Variants in CTNND2 observed in about 807,000 individuals in gnomAD.
The protein encoded by CTNND2 is catenin delta-2.
CTNND2 carries 22 observed loss-of-function variants against 144.4 expected under a neutral mutation model. The ratio of observed to expected loss-of-function variants is 0.15; its 90% CI spans 0.11 to 0.22. CTNND2 has a LOEUF of 0.22. Ranked by LOEUF, CTNND2 falls within the 10% of genes least tolerant of loss-of-function variation. The pLI is 1.00. For synonymous variants in CTNND2, 751 were observed against 695.6 expected (o/e 1.08, Z -1.25); for missense variants, 1,353 against 1,618.8 (o/e 0.84, Z 2.82).
chr5:11,682,366 A>G (rs938563023), intron 2 of CTNND2, among the ~76,000 whole-genome samples: 10 of 152,196 alleles, frequency 6.6e-5, no homozygotes, highest in Non-Finnish European at 1.2e-4. Flanking sequence ...AACATCCAAT[A>G]TTCCACAGGC....
At chr5:11,168,366 T>C (rs1408931869) in intron 11 of CTNND2, among the ~76,000 whole-genome samples, 1 of 152,238 alleles carries the variant, frequency 6.6e-6, no homozygotes, top group African/African-American at 2.4e-5. Flanking sequence ...TAAGTAATTA[T>C]AATTGAAAAT....
At chr5:11,790,571 C>T (rs954643246) in intron 1 of CTNND2, among the ~76,000 whole-genome samples, 9 of 152,136 alleles carry the variant, frequency 5.9e-5, no homozygotes, top group Admixed American at 5.2e-4. Flanking sequence ...ATTTTCTACA[C>T]GTAATGATGT....
intron 2 of CTNND2, chr5:11,588,904 C>A (rs542935669): frequency 1.0e-6 from 1 of 985,360 alleles, no homozygotes; most frequent in Non-Finnish European, 1.2e-6. Flanking sequence ...CCCTGCACCA[C>A]GGCTAAAAGG....
chr5:11,491,327 CA>C (rs1451983604), intron 3 of CTNND2, among the ~76,000 whole-genome samples: 12 of 152,174 alleles, frequency 7.9e-5, no homozygotes, highest in Non-Finnish European at 1.6e-4. Context: ...GAAGTGCAAA[CA>C]GTTCAATAGT....
rs1314036452 is a variant in CTNND2 at position 11,207,222 on chromosome 5, A to G, written c.1762-7561T>C. Among the ~76,000 whole-genome samples, 8 of 152,002 alleles carry G rather than the reference A, an allele frequency of 5.3e-5. No individual in the cohort carries two copies. In the South Asian group the frequency reaches 1.0e-3, roughly 20 times the overall value. On this transcript the variant is annotated intron_variant, in intron 10 of 21. Transcript: ENST00000304623. ...CGACACAGGGAGGGGAACATCACAC[A>G]CTGGGGCCTGTTGGGGGGTGTGGGG...
At chr5:11,419,515 A>G (rs1762201472) in intron 3 of CTNND2, among the ~76,000 whole-genome samples, 1 of 152,228 alleles carries the variant, frequency 6.6e-6, no homozygotes, top group Non-Finnish European at 1.5e-5. Context: ...CATATGTGAG[A>G]CAACTGACAG....
At chr5:11,727,816 T>C (rs752550200) in intron 2 of CTNND2, among the ~76,000 whole-genome samples, 12 of 152,218 alleles carry the variant, frequency 7.9e-5, no homozygotes, top group Admixed American at 2.0e-4. Context: ...TGATTAATAG[T>C]TATAGGTCAT....
At chr5:11,483,315 T>C (rs888174976) in intron 3 of CTNND2, among the ~76,000 whole-genome samples, 3 of 152,102 alleles carry the variant, frequency 2.0e-5, no homozygotes, top group Non-Finnish European at 4.4e-5. Context: ...GAAGAGTGGA[T>C]TGGCGGTGGG....
chr5:11,233,142 G>C (rs1282015577), intron 10 of CTNND2, among the ~76,000 whole-genome samples: 1 of 152,130 alleles, frequency 6.6e-6, no homozygotes, highest in Non-Finnish European at 1.5e-5. Flanking sequence ...CTTCATAGCA[G>C]CATGAGAATG....
At chr5:11,575,967 A>G (rs1335011560) in intron 2 of CTNND2, among the ~76,000 whole-genome samples, 2 of 152,290 alleles carry the variant, frequency 1.3e-5, no homozygotes, top group African/African-American at 4.8e-5. Flanking sequence ...ATCCAAAACC[A>G]AAATCAACCA....
At chr5:11,813,850 C>T (rs896838603) in intron 1 of CTNND2, among the ~76,000 whole-genome samples, 3 of 152,166 alleles carry the variant, frequency 2.0e-5, no homozygotes, top group Non-Finnish European at 4.4e-5. Flanking sequence ...ATGTAACTGA[C>T]AAATGAACAA....
chr5:11,679,659 G>A (rs1375098008), intron 2 of CTNND2, among the ~76,000 whole-genome samples: 1 of 152,208 alleles, frequency 6.6e-6, no homozygotes, highest in Non-Finnish European at 1.5e-5. Flanking sequence ...CGACACTCAT[G>A]TGTCTCTTTA....
intron 2 of CTNND2, among the ~76,000 whole-genome samples, chr5:11,683,992 A>G (rs532183420): frequency 2.0e-4 from 31 of 152,276 alleles, no homozygotes; most frequent in Non-Finnish European, 3.7e-4. Context: ...TCCAGGGAAG[A>G]GAATAAAAAG....
intron 1 of CTNND2, among the ~76,000 whole-genome samples, chr5:11,785,781 C>T (rs949477034): frequency 3.3e-5 from 5 of 152,224 alleles, no homozygotes; most frequent in Admixed American, 1.3e-4. Context: ...TTTCCTCCCC[C>T]ACTTTTCTCC....
intron 2 of CTNND2, among the ~76,000 whole-genome samples, chr5:11,624,540 T>C (rs1389459724): frequency 1.3e-5 from 2 of 152,144 alleles, no homozygotes; most frequent in African/African-American, 4.8e-5. Flanking sequence ...TGTATTTTAT[T>C]AAACAGTTTT....
intron 9 of CTNND2, among the ~76,000 whole-genome samples, chr5:11,300,462 T>G (rs116192705): frequency 6.6e-6 from 1 of 152,140 alleles, no homozygotes; most frequent in African/African-American, 2.4e-5. Context: ...CAGGGCTCCT[T>G]GTCCCCCAGA....
At chr5:11,113,073 G>T (rs912303442) in intron 13 of CTNND2, among the ~76,000 whole-genome samples, 3 of 152,084 alleles carry the variant, frequency 2.0e-5, no homozygotes, top group Non-Finnish European at 4.4e-5. Flanking sequence ...CCCGGAAAGC[G>T]GAGCTTGCAG....
intron 2 of CTNND2, among the ~76,000 whole-genome samples, chr5:11,634,851 T>A (rs1781598555): frequency 6.6e-6 from 1 of 152,096 alleles, no homozygotes; most frequent in African/African-American, 2.4e-5. Flanking sequence ...GCTTGTGGTA[T>A]CAGATGGTGT....
intron 16 of CTNND2, among the ~76,000 whole-genome samples, chr5:11,025,696 GTTCTC>G (rs1742751018): frequency 6.6e-6 from 1 of 152,170 alleles, no homozygotes; most frequent in South Asian, 2.1e-4. Context: ...TGACAATAAT[GTTCTC>G]TTCTTCTAGA....
Sources: gnomAD v4.1 joint callset for allele counts (sites outside exome capture counted in the v4.1 genomes callset) on GRCh38, gnomAD v4.1.1 for gene constraint, MANE v1.5 for transcripts, NCBI Gene and HGNC (gene_info 2026-07-23, HGNC 2026-07-21) for gene names.